The following GSTA5 variants were observed in gnomAD, a reference collection of about 807,000 sequenced individuals.
The protein encoded by GSTA5 is glutathione S-transferase A5.
GSTA5 carries 25 observed loss-of-function variants against 21.8 expected under a neutral mutation model. The observed-to-expected ratio is 1.14, with a 90% CI of 0.83 to 1.60. The LOEUF (loss-of-function observed/expected upper bound fraction) is 1.60. Ranked by LOEUF, GSTA5 falls within the 40% of genes most tolerant of loss-of-function variation. The pLI is 0.00. For synonymous variants in GSTA5, 102 were observed against 89.5 expected (o/e 1.14, Z -0.78); for missense variants, 330 against 259.2 (o/e 1.27, Z -1.88).
exon 4 of GSTA5, chr6:52,834,219 A>G: frequency 6.2e-7 from 1 of 1,613,850 alleles, no homozygotes; most frequent in Non-Finnish European, 8.5e-7. Context: ...CCTCTGGTTG[A>G]CATATGAGCA....
At chr6:52,838,732 T>A (rs993878509) in intron 1 of GSTA5, among the ~76,000 whole-genome samples, 2 of 152,260 alleles carry the variant, frequency 1.3e-5, no homozygotes, top group African/African-American at 4.8e-5. Flanking sequence ...TTTCTGGATT[T>A]CAATGTTGTT....
At chr6:52,838,596 A>G (rs1467082491) in intron 1 of GSTA5, among the ~76,000 whole-genome samples, 1 of 152,234 alleles carries the variant, frequency 6.6e-6, no homozygotes, top group Non-Finnish European at 1.5e-5. Flanking sequence ...TCTCAATCTG[A>G]CCAGAAGCTA....
intron 5 of GSTA5, 102 bp downstream of exon 5, chr6:52,832,757 T>G: frequency 6.4e-7 from 1 of 1,565,344 alleles, no homozygotes; most frequent in Non-Finnish European, 8.8e-7. Context: ...ACTGAAGGGC[T>G]GGAGAAGGGT....
At chr6:52,832,020 T>A (rs747784346) in intron 5 of GSTA5, 50 bp from the exon 6 acceptor site, 2 of 1,573,364 alleles carry the variant, frequency 1.3e-6, no homozygotes, top group African/African-American at 1.4e-5. Context: ...CCGGCCACCA[T>A]CATTAAGATG....
At chr6:52,843,328 C>G (rs887999740), upstream of GSTA5, among the ~76,000 whole-genome samples, 4 of 152,202 alleles carry the variant, frequency 2.6e-5, no homozygotes, top group Non-Finnish European at 5.9e-5. Flanking sequence ...AATTGCCATA[C>G]TGTCTTCCAC....
exon 4 of GSTA5, chr6:52,834,163 C>A: frequency 1.2e-6 from 2 of 1,614,100 alleles, no homozygotes; most frequent in Non-Finnish European, 1.7e-6. Context: ...AGGGAAGTAG[C>A]GATTTTTTAT....
upstream of GSTA5, among the ~76,000 whole-genome samples, chr6:52,842,552 C>G (rs1764393520): frequency 2.0e-5 from 3 of 151,916 alleles, no homozygotes; most frequent in Non-Finnish European, 2.9e-5. Context: ...ATTACCAGCA[C>G]ATGCCACCAC....
rs1158836004 is a variant in GSTA5 at position 52,834,187 on chromosome 6, A to G, written c.368T>C (p.Leu123Ser). Residue 123 changes from leucine (L) to serine (S), a missense_variant, in exon 4 of 6, where the codon TTG becomes TCG. Physicochemically the swap from Leu to Ser is moderately radical, Grantham distance 145 (BLOSUM62 -2). Coordinates refer to ENST00000370989, the Ensembl canonical transcript of GSTA5. ...GCGATTTTTTATTTTCTCTTTGACC[A>G]AGGCAGTCTTGGCATCTCTTTCCTC... 7.4e-6 allele frequency: 12 copies of G among 1,614,106 alleles called. 1 individual carries two copies. In the South Asian group the frequency reaches 1.3e-4, roughly 18 times the overall value.
intron 2 of GSTA5, 39 bp downstream of exon 2, chr6:52,837,519 T>C (rs1764309814): frequency 1.5e-6 from 2 of 1,369,916 alleles, no homozygotes; most frequent in Non-Finnish European, 2.1e-6. Context: ...TACCTTCTAC[T>C]AGAAACTCTC....
At chr6:52,835,594 A>G (rs1211065277) in intron 3 of GSTA5, among the ~76,000 whole-genome samples, 1 of 152,222 alleles carries the variant, frequency 6.6e-6, no homozygotes. Context: ...AGCTGCCAAC[A>G]GTTCCATTCA....
At chr6:52,841,986 G>A (rs1764383111), upstream of GSTA5, among the ~76,000 whole-genome samples, 1 of 152,180 alleles carries the variant, frequency 6.6e-6, no homozygotes, top group Non-Finnish European at 1.5e-5. Flanking sequence ...ATGTTGAAGG[G>A]TAAGTAATGT....
exon 6 of GSTA5, chr6:52,831,800 A>G (rs1764218089): frequency 2.5e-6 from 4 of 1,606,712 alleles, no homozygotes; most frequent in Non-Finnish European, 3.4e-6. Context: ...ATTGTTGCAA[A>G]CTGTAGAATA....
intron 4 of GSTA5, 88 bp from the exon 5 acceptor site, chr6:52,833,078 T>A (rs1485335724): frequency 4.7e-6 from 7 of 1,496,710 alleles, no homozygotes; most frequent in Non-Finnish European, 6.5e-6. Flanking sequence ...CCCTGACTTT[T>A]CCCACCTCTG....
intron 3 of GSTA5, 114 bp from the exon 4 acceptor site, chr6:52,834,396 T>C (rs1764264385): frequency 1.1e-6 from 1 of 947,774 alleles, no homozygotes; most frequent in Non-Finnish European, 1.6e-6. Context: ...CACCTCCAGT[T>C]AGTGCCTTTT....
At chr6:52,845,663 AT>A (rs551569656), upstream of GSTA5, among the ~76,000 whole-genome samples, 134 of 152,352 alleles carry the variant, frequency 8.8e-4, no homozygotes, top group Middle Eastern at 3.4e-3. Context: ...CACAGCCAAT[AT>A]AGTATTACAG....
upstream of GSTA5, among the ~76,000 whole-genome samples, chr6:52,842,443 T>A (rs1764391296): frequency 6.6e-6 from 1 of 151,710 alleles, no homozygotes; most frequent in Non-Finnish European, 1.5e-5. Flanking sequence ...TTTACTGTTT[T>A]TTTCCCAGGC....
At chr6:52,837,453 G>C in intron 2 of GSTA5, 105 bp downstream of exon 2, 1 of 690,496 alleles carries the variant, frequency 1.4e-6, no homozygotes, top group Non-Finnish European at 2.5e-6. Flanking sequence ...TCTCCACCGT[G>C]ACTAAATATC....
At chr6:52,831,773 CT>C in exon 6 of GSTA5, 1 of 1,559,908 alleles carries the variant, frequency 6.4e-7, no homozygotes, top group South Asian at 1.2e-5. Context: ...ACAATCCACA[CT>C]TAGGTAAAGC....
intron 4 of GSTA5, among the ~76,000 whole-genome samples, chr6:52,833,834 C>A (rs1001439097): frequency 6.6e-6 from 1 of 152,184 alleles, no homozygotes; most frequent in Non-Finnish European, 1.5e-5. Flanking sequence ...TCAACAGCAA[C>A]CTCCAGTGTG....
Sources: gnomAD v4.1 joint callset for allele counts (sites outside exome capture counted in the v4.1 genomes callset) on GRCh38, gnomAD v4.1.1 for gene constraint, MANE v1.5 for transcripts, NCBI Gene and HGNC (gene_info 2026-07-23, HGNC 2026-07-21) for gene names.